The following TMEM161B variants were observed in gnomAD, a reference collection of about 807,000 sequenced individuals.
The protein encoded by TMEM161B is transmembrane protein 161B.
In TMEM161B, 34 loss-of-function variants were observed where a neutral mutation model predicts 61.8. The ratio of observed to expected loss-of-function variants is 0.55; its 90% CI spans 0.42 to 0.73. TMEM161B has a LOEUF of 0.73. Among genes scored for constraint, TMEM161B ranks in the 30% least tolerant of loss-of-function variants. TMEM161B has a pLI of 0.00. For missense variants in TMEM161B, 456 were observed against 558.5 expected (o/e 0.82, Z 1.85); for synonymous variants, 167 against 192.8 (o/e 0.87, Z 1.11).
At chr5:88,187,011 C>T (rs912307468), downstream of TMEM161B, among the ~76,000 whole-genome samples, 48 of 152,214 alleles carry the variant, frequency 3.2e-4, no homozygotes, top group African/African-American at 1.1e-3. Flanking sequence ...GTAGCTTTTA[C>T]ATTTGGCTCT....
At chr5:88,191,933 G>C (rs1257729146), downstream of TMEM161B, among the ~76,000 whole-genome samples, 1 of 128,132 alleles carries the variant, frequency 7.8e-6, no homozygotes, top group Non-Finnish European at 1.6e-5. Flanking sequence ...CTCCAGCCTG[G>C]GCGACAGAGC....
At chr5:88,234,729 T>C (rs59563668) in intron 2 of TMEM161B, among the ~76,000 whole-genome samples, 72 of 152,168 alleles carry the variant, frequency 4.7e-4, no homozygotes, top group Middle Eastern at 3.4e-3. Context: ...TGGGAAAAAA[T>C]ATATTTCTTA....
intron 10 of TMEM161B, chr5:88,198,750 C>A: frequency 2.2e-6 from 1 of 447,442 alleles, no homozygotes; most frequent in Non-Finnish European, 3.9e-6. Context: ...TTGTACCACC[C>A]ACTGTATGAC....
At chr5:88,188,967 T>G (rs1011668171), downstream of TMEM161B, among the ~76,000 whole-genome samples, 1 of 152,140 alleles carries the variant, frequency 6.6e-6, no homozygotes, top group Non-Finnish European at 1.5e-5. Context: ...AAATGGCTTC[T>G]CTCCTCATTC....
intron 3 of TMEM161B, 116 bp downstream of exon 3, chr5:88,228,328 CA>C: frequency 1.3e-6 from 1 of 765,400 alleles, no homozygotes. Context: ...GTTTTGATCT[CA>C]AATTTATCAA....
chr5:88,237,780 T>C lies in TMEM161B; in HGVS notation c.107+3033A>G, dbSNP rs1043582720. ...TAAAAAAAATACTAATAGCAATATG[T>C]GTTATTTAACAAGAGCTACAAAATT... On this transcript the variant is annotated intron_variant, in intron 2 of 11. Coordinates refer to ENST00000296595, the MANE Select transcript of TMEM161B (RefSeq NM_153354.5). Among the ~76,000 whole-genome samples the C allele has an allele frequency of 1.2e-4, 19 of 152,234 alleles. 1 individual carries two copies. The South Asian group carries it at 3.9e-3, about 32-fold the overall frequency.
chr5:88,244,684 A>T (rs1753321391), intron 1 of TMEM161B, among the ~76,000 whole-genome samples: 1 of 149,032 alleles, frequency 6.7e-6, no homozygotes, highest in Admixed American at 6.8e-5. Flanking sequence ...GAAGAATGTC[A>T]TTGGCAGTTT....
At chr5:88,199,629 T>G (rs916415935) in intron 9 of TMEM161B, 1 of 152,290 alleles carries the variant, frequency 6.6e-6, no homozygotes, top group Non-Finnish European at 1.5e-5. Flanking sequence ...TTCTGATATA[T>G]CATGAAGAAA....
downstream of TMEM161B, among the ~76,000 whole-genome samples, chr5:88,192,310 C>T (rs1319553472): frequency 2.6e-5 from 4 of 151,898 alleles, no homozygotes; most frequent in Non-Finnish European, 2.9e-5. Flanking sequence ...GCCTGTCCAT[C>T]ATGAATAGTT....
intron 5 of TMEM161B, among the ~76,000 whole-genome samples, chr5:88,219,394 G>A (rs901149151): frequency 6.6e-6 from 1 of 152,098 alleles, no homozygotes; most frequent in Non-Finnish European, 1.5e-5. Context: ...AAGTAAGCAT[G>A]AAACAGAGAA....
At chr5:88,252,100 AT>A (rs1304720981) in intron 1 of TMEM161B, among the ~76,000 whole-genome samples, 1 of 152,172 alleles carries the variant, frequency 6.6e-6, no homozygotes, top group Non-Finnish European at 1.5e-5. Context: ...GGGTTGTAGA[AT>A]TTTTTTAAAT....
chr5:88,254,496 A>T (rs773512518), intron 1 of TMEM161B, among the ~76,000 whole-genome samples: 48 of 152,268 alleles, frequency 3.2e-4, no homozygotes, highest in Admixed American at 1.2e-3. Context: ...ATTGCCAAGC[A>T]CCTGCAAATC....
rs1561353091 is a variant in TMEM161B, at chr5:88,220,726, A to AG, written c.290-8dup. 2 of 1,218,136 alleles carry AG rather than the reference A, an allele frequency of 1.6e-6. No individual in the cohort carries two copies. Among genetic ancestry groups the AG allele is most frequent in the South Asian group, 1.5e-5 (1 of 67,562 alleles). The allele number at this position is 1,218,136 out of a possible 1,614,324, so 75.5% of individuals were successfully genotyped here. A position where few individuals can be genotyped will look rare whatever the true frequency, so the allele number is the denominator to read the frequency against. ...TCTGGAAAGTAATGCAATGCTGGAA[A>AG]GAAAAAAAAAAAAAAAAAAAAAAAA... On this transcript the variant is annotated splice_region_variant and splice_polypyrimidine_tract_variant and intron_variant, in intron 4 of 11. Transcript: ENST00000296595.
intron 5 of TMEM161B, among the ~76,000 whole-genome samples, chr5:88,218,993 G>C (rs1470775876): frequency 6.6e-6 from 1 of 152,134 alleles, no homozygotes; most frequent in African/African-American, 2.4e-5. Context: ...GAGATGCAAA[G>C]AGAATCTCTA....
At chr5:88,223,975 A>G (rs1749514979) in intron 4 of TMEM161B, among the ~76,000 whole-genome samples, 1 of 152,162 alleles carries the variant, frequency 6.6e-6, no homozygotes, top group Non-Finnish European at 1.5e-5. Context: ...GTTCTAGGAC[A>G]TGCTTTACAT....
chr5:88,260,584 TG>T (rs1755555475), intron 1 of TMEM161B, among the ~76,000 whole-genome samples: 1 of 152,168 alleles, frequency 6.6e-6, no homozygotes. Context: ...CCCAAGTAGC[TG>T]GAACTACAGG....
downstream of TMEM161B, among the ~76,000 whole-genome samples, chr5:88,191,103 C>A (rs1318390879): frequency 2.0e-5 from 3 of 152,138 alleles, no homozygotes; most frequent in Non-Finnish European, 2.9e-5. Flanking sequence ...ATTTCCATGT[C>A]TTCATCTATG....
At chr5:88,238,946 T>C (rs1752298256) in intron 2 of TMEM161B, among the ~76,000 whole-genome samples, 1 of 151,970 alleles carries the variant, frequency 6.6e-6, no homozygotes, top group African/African-American at 2.4e-5. Context: ...ACTTTCTCGA[T>C]ATCCTTAGAA....
intron 1 of TMEM161B, among the ~76,000 whole-genome samples, chr5:88,247,982 G>A (rs552288844): frequency 2.9e-4 from 44 of 152,244 alleles, no homozygotes; most frequent in African/African-American, 1.0e-3. Context: ...AATAAGACAG[G>A]AAGAGGATTC....
Sources: allele counts gnomAD v4.1 joint callset (sites outside exome capture counted in the v4.1 genomes callset), GRCh38; gene constraint gnomAD v4.1.1; transcripts MANE v1.5; gene names NCBI Gene and HGNC (gene_info 2026-07-23, HGNC 2026-07-21).